ALK: variants seen among roughly 807,000 people sequenced by gnomAD.
ALK encodes the protein ALK receptor tyrosine kinase.
ALK carries 74 observed loss-of-function variants against 163.1 expected under a neutral mutation model. The observed-to-expected ratio is 0.45, with a 90% CI of 0.38 to 0.55. The LOEUF (loss-of-function observed/expected upper bound fraction) is 0.55. Among genes scored for constraint, ALK ranks in the 20% least tolerant of loss-of-function variants. ALK has a pLI of 0.00. For missense variants in ALK, 2,063 were observed against 2,105.3 expected, an observed-to-expected ratio of 0.98 and a Z score of 0.39; for synonymous variants, 960 against 843.2, an observed-to-expected ratio of 1.14 and a Z score of -2.40.
chr2:29,750,396 C>T (rs765901948), intron 1 of ALK, among the ~76,000 whole-genome samples: 3 of 152,056 alleles, frequency 2.0e-5, no homozygotes, highest in Non-Finnish European at 2.9e-5. Context: ...GGCAGAGTGG[C>T]TCATGCTTAT....
At chr2:29,261,805 G>A (rs539447577) in intron 11 of ALK, among the ~76,000 whole-genome samples, 53 of 152,018 alleles carry the variant, frequency 3.5e-4, no homozygotes, top group African/African-American at 1.1e-3. Flanking sequence ...ATGTCCACCC[G>A]TGTTTAATCT....
chr2:29,318,743 T>C (rs2148248845), intron 7 of ALK, among the ~76,000 whole-genome samples: 1 of 152,204 alleles, frequency 6.6e-6, no homozygotes, highest in Middle Eastern at 3.4e-3. Context: ...ATTTTTTGTA[T>C]TTTTAGTAGA....
intron 4 of ALK, among the ~76,000 whole-genome samples, chr2:29,493,223 C>T (rs974069082): frequency 5.9e-5 from 9 of 152,180 alleles, no homozygotes; most frequent in Admixed American, 4.6e-4. Flanking sequence ...GGGATGAAGA[C>T]TGGATGGCTA....
rs760683752 is a variant in ALK, at chr2:29,408,081, C to CTTT, written c.1155-24225_1155-24223dup. ...TAGGCAAAGGTACTCAGGGAAAGTT[C>CTTT]TTTTTCTTTTTTTTTTTTTGAGATG... On this transcript the variant is annotated intron_variant, in intron 4 of 28. Coordinates refer to ENST00000389048, the MANE Select transcript of ALK (RefSeq NM_004304.5). 6.2e-3 allele frequency among the ~76,000 whole-genome samples: 871 copies of CTTT among 140,804 alleles called. 34 individuals are homozygous for CTTT. Among genetic ancestry groups the CTTT allele is most frequent in the African/African-American group, 0.012 (445 of 35,792 alleles). 92.4% of individuals were successfully genotyped at this position (140,804 alleles called of 152,430 possible).
At chr2:29,493,084 T>C (rs925448450) in intron 4 of ALK, among the ~76,000 whole-genome samples, 4 of 152,204 alleles carry the variant, frequency 2.6e-5, no homozygotes, top group African/African-American at 9.7e-5. Flanking sequence ...TTGAGTAATA[T>C]GATAGATGTG....
intron 9 of ALK, among the ~76,000 whole-genome samples, chr2:29,295,265 C>T (rs1023546745): frequency 1.2e-4 from 19 of 152,006 alleles, no homozygotes; most frequent in East Asian, 3.9e-4. Context: ...GAGAGTGAAC[C>T]GAGTCAACAT....
chr2:29,920,368 G>C lies in ALK; in HGVS notation c.292C>G (p.Leu98Val). ...GGCGCCGGCCCCAGCAACCTGAGCAGCGGGGCGCAGTCCAGAGCTAGCGAG... is the reference window on the plus strand; with the variant it reads ...GGCGCCGGCCCCAGCAACCTGAGCACCGGGGCGCAGTCCAGAGCTAGCGAG... ...RGSLALDCAP[L>V]LRLLGPAPGV... The change falls in exon 1 of 29, where the codon CTG (leucine) becomes GTG (valine). Residue 98 changes from leucine to valine, a missense_variant. Physicochemically the swap from Leu to Val is conservative, Grantham distance 32 (BLOSUM62 1). Coordinates refer to ENST00000389048, the MANE Select transcript of ALK (RefSeq NM_004304.5). The C allele has an allele frequency of 6.4e-7, 1 of 1,557,088 alleles. No homozygotes were observed.
At chr2:29,816,734 C>G (rs1664908892) in intron 1 of ALK, among the ~76,000 whole-genome samples, 1 of 152,168 alleles carries the variant, frequency 6.6e-6, no homozygotes, top group African/African-American at 2.4e-5. Context: ...TTGGCTGTGC[C>G]TCTCTGTGCC....
chr2:29,890,869 T>C (rs1232271642), intron 1 of ALK: 2 of 152,152 alleles, frequency 1.3e-5, no homozygotes, highest in Non-Finnish European at 2.9e-5. Context: ...CCCCAACTCA[T>C]AGCTCAGCAC....
chr2:29,863,495 T>C (rs1666347357), intron 1 of ALK, among the ~76,000 whole-genome samples: 1 of 151,398 alleles, frequency 6.6e-6, no homozygotes, highest in Non-Finnish European at 1.5e-5. Flanking sequence ...GATATACAAA[T>C]GGCCAATAAG....
intron 5 of ALK, among the ~76,000 whole-genome samples, chr2:29,367,617 G>T (rs1461067872): frequency 6.6e-6 from 1 of 152,234 alleles, no homozygotes; most frequent in Non-Finnish European, 1.5e-5. Context: ...TACACCTTAA[G>T]CAACTCATGC....
chr2:29,737,085 G>A (rs1371039642), intron 1 of ALK, among the ~76,000 whole-genome samples: 3 of 152,064 alleles, frequency 2.0e-5, no homozygotes, highest in Non-Finnish European at 2.9e-5. Context: ...AAAGCGTTTT[G>A]TAGAAATTTA....
chr2:29,355,924 A>G (rs535856530), intron 5 of ALK, among the ~76,000 whole-genome samples: 1 of 152,300 alleles, frequency 6.6e-6, no homozygotes, highest in South Asian at 2.1e-4. Context: ...GCTGGAGCCA[A>G]TTGTGTGCAT....
chr2:29,762,380 A>C (rs1351047755), intron 1 of ALK, among the ~76,000 whole-genome samples: 1 of 152,246 alleles, frequency 6.6e-6, no homozygotes, highest in African/African-American at 2.4e-5. Context: ...ATCTCCCTTC[A>C]AATGGGTCTC....
chr2:29,655,091 T>C (rs4666267), intron 3 of ALK, among the ~76,000 whole-genome samples: 92,765 of 151,988 alleles, frequency 0.61, 29,552 homozygotes, highest in East Asian at 0.74. Context: ...ATCAGAGAAA[T>C]GTCCAAAAAT....
At chr2:29,395,911 A>T (rs1156710606) in intron 4 of ALK, among the ~76,000 whole-genome samples, 3 of 152,214 alleles carry the variant, frequency 2.0e-5, no homozygotes, top group Admixed American at 6.5e-5. Flanking sequence ...ACCTAAGCAT[A>T]AAAACAGAAA....
chr2:29,380,768 A>AACTC (rs1018660216), intron 5 of ALK, among the ~76,000 whole-genome samples: 2 of 152,066 alleles, frequency 1.3e-5, no homozygotes, highest in Non-Finnish European at 2.9e-5. Context: ...ATCTTATGAG[A>AACTC]ACTCACTCAC....
intron 1 of ALK, among the ~76,000 whole-genome samples, chr2:29,804,423 G>T (rs1436939925): frequency 1.3e-5 from 2 of 152,214 alleles, no homozygotes; most frequent in Non-Finnish European, 2.9e-5. Flanking sequence ...AGCATTGTTT[G>T]GGTCACAACG....
At chr2:29,259,839 G>A (rs190587627) in intron 11 of ALK, among the ~76,000 whole-genome samples, 21 of 151,814 alleles carry the variant, frequency 1.4e-4, no homozygotes, top group African/African-American at 4.3e-4. Flanking sequence ...CTAGTTATTC[G>A]GTTTTCTTCG....
Sources: allele counts gnomAD v4.1 joint callset (sites outside exome capture counted in the v4.1 genomes callset), GRCh38; gene constraint gnomAD v4.1.1; transcripts MANE v1.5; gene names NCBI Gene and HGNC (gene_info 2026-07-23, HGNC 2026-07-21).